The following CPLANE1 variants were observed in gnomAD, a reference collection of about 807,000 sequenced individuals.
The protein encoded by CPLANE1 is ciliogenesis and planar polarity effector complex subunit 1, also known as ciliogenesis and planar polarity effector 1.
Under a neutral mutation model 362.5 loss-of-function variants are expected in CPLANE1, and 263 were observed. The ratio of observed to expected loss-of-function variants is 0.73; its 90% CI spans 0.66 to 0.80. The LOEUF (loss-of-function observed/expected upper bound fraction) is 0.80, where lower values mean the gene tolerates loss of function less well. Ranked by LOEUF, CPLANE1 falls within the 30% of genes least tolerant of loss-of-function variation. CPLANE1 has a pLI of 0.00. For missense variants in CPLANE1, 3,461 were observed against 3,793.4 expected, an observed-to-expected ratio of 0.91 and a Z score of 2.30; for synonymous variants, 1,212 against 1,302.6, an observed-to-expected ratio of 0.93 and a Z score of 1.50.
intron 30 of CPLANE1, 87 bp from the exon 31 acceptor site, chr5:37,176,073 G>C (rs1410600882): frequency 1.2e-6 from 1 of 833,034 alleles, no homozygotes; most frequent in East Asian, 2.5e-5. Context: ...AGCCATCTAA[G>C]AGTCTAAACA....
rs534640314 is a variant in CPLANE1 at position 37,113,971 on chromosome 5, C to T, written c.9400+989G>A. On this transcript the variant is annotated intron_variant, in intron 51 of 52. Transcript: ENST00000651892. ...GGGACTACAGGCACATGCCACCACG[C>T]CCAGCTAATTTTTGTATTTTTAGTA... 2.3e-3 allele frequency among the ~76,000 whole-genome samples: 352 copies of T among 152,282 alleles called. 1 individual carries two copies. The highest frequency in any genetic ancestry group is 4.2e-3 in the Non-Finnish European group (286 of 68,016).
chr5:37,176,622 C>T (rs528182648), intron 30 of CPLANE1, among the ~76,000 whole-genome samples: 20 of 152,096 alleles, frequency 1.3e-4, no homozygotes, highest in African/African-American at 3.6e-4. Flanking sequence ...GGTAATTTTC[C>T]GAAGGAATCA....
chr5:37,226,166 C>A, intron 12 of CPLANE1, 138 bp downstream of exon 12: 1 of 584,126 alleles, frequency 1.7e-6, no homozygotes, highest in Non-Finnish European at 2.7e-6. Flanking sequence ...GTTTCACAAC[C>A]TTATAAATAT....
rs543333325 is a variant in CPLANE1 at position 37,227,101 on chromosome 5, C to T, written c.1522-28G>A. On this transcript the variant is annotated intron_variant, in intron 11 of 52. Transcript: ENST00000651892. ...AAAACATGAGGGGAAAAAAATGATA[C>T]TTAATACCATTTAATACCTTATCAA... The T allele has an allele frequency of 9.8e-6, 15 of 1,523,296 alleles. No homozygotes were observed. The East Asian group carries it at 2.9e-4, about 30-fold the overall frequency. The allele number at this position is 1,523,296 out of a possible 1,614,324, so 94.4% of individuals were successfully genotyped here. A position where few individuals can be genotyped will look rare whatever the true frequency, so the allele number is the denominator to read the frequency against.
At chr5:37,178,513 T>TG (rs1781820112) in intron 29 of CPLANE1, among the ~76,000 whole-genome samples, 1 of 150,188 alleles carries the variant, frequency 6.7e-6, no homozygotes, top group Non-Finnish European at 1.5e-5. Flanking sequence ...CTTGGGAGGC[T>TG]GAGGCAAGAG....
chr5:37,142,104 T>C, intron 44 of CPLANE1: 2 of 1,051,744 alleles, frequency 1.9e-6, no homozygotes, highest in Non-Finnish European at 2.4e-6. Context: ...CAAGATATGA[T>C]ACATAATTGC....
chr5:37,187,989 T>C (rs1784504599), intron 21 of CPLANE1, 147 bp from the exon 22 acceptor site: 4 of 472,920 alleles, frequency 8.5e-6, no homozygotes, highest in East Asian at 3.3e-5. Flanking sequence ...TGTAAATTTA[T>C]ATAAAAGTCC....
intron 20 of CPLANE1, 59 bp from the exon 21 acceptor site, chr5:37,196,055 G>A: frequency 1.4e-6 from 2 of 1,397,474 alleles, no homozygotes; most frequent in Non-Finnish European, 1.9e-6. Context: ...ACTTTTAAAA[G>A]AAACTATAAA....
chr5:37,244,394 G>A lies in CPLANE1; in HGVS notation c.551C>T (p.Ala184Val). The A allele has an allele frequency of 6.5e-7, 1 of 1,547,624 alleles. No individual in the cohort carries two copies. The highest frequency in any genetic ancestry group is 1.2e-5 in the South Asian group (1 of 83,180). Reference sequence around the variant, plus strand: ...TTTTACCTCATTTTTTATAAAAACAGCATTCACTACAGCTTCTTTATCTTC... The same window carrying A: ...TTTTACCTCATTTTTTATAAAAACAACATTCACTACAGCTTCTTTATCTTC... ...STEDKEAVVN[A>V]VFIKNELFGD... The change falls in exon 5 of 53, where the codon GCT becomes GTT. Residue 184 changes from alanine to valine, a missense_variant. Coordinates refer to ENST00000651892, the MANE Select transcript of CPLANE1 (RefSeq NM_001384732.1).
At chr5:37,119,444 G>A (rs987843439) in intron 50 of CPLANE1, among the ~76,000 whole-genome samples, 2 of 152,188 alleles carry the variant, frequency 1.3e-5, no homozygotes, top group East Asian at 3.9e-4. Flanking sequence ...GCCAAGGTGG[G>A]CAGATCACCT....
chr5:37,115,719 C>T (rs1342824547), intron 50 of CPLANE1, among the ~76,000 whole-genome samples: 1 of 150,698 alleles, frequency 6.6e-6, no homozygotes, highest in Non-Finnish European at 1.5e-5. Context: ...GCCTCAGCTT[C>T]CCGAGCAGCT....
At chr5:37,174,012 A>G (rs1267692356) in intron 31 of CPLANE1, 65 bp from the exon 32 acceptor site, 37 of 1,315,478 alleles carry the variant, frequency 2.8e-5, no homozygotes, top group Non-Finnish European at 2.1e-6. Context: ...TTGAATGTCT[A>G]TGATCAGAAT....
rs111508546 is a variant in CPLANE1, at chr5:37,185,087, GA to G, written c.4190-9del. On this transcript the variant is annotated splice_polypyrimidine_tract_variant and intron_variant, in intron 24 of 52. Coordinates refer to ENST00000651892, the MANE Select transcript of CPLANE1 (RefSeq NM_001384732.1). Reference sequence around the variant, plus strand: ...TTTCCTCAGTCTGGGGTCCTGGAAAGAAAAGAATAAAAAGTCTTAGTGTTCA... The same window carrying G: ...TTTCCTCAGTCTGGGGTCCTGGAAAGAAAGAATAAAAAGTCTTAGTGTTCA... 3 of 1,588,064 alleles carry G rather than the reference GA, an allele frequency of 1.9e-6. No homozygotes were observed. In the Admixed American group the frequency reaches 5.6e-5, roughly 30 times the overall value.
At chr5:37,081,447 G>C in the CPLANE1 span, among the ~76,000 whole-genome samples, 1 of 151,760 alleles carries the variant, frequency 6.6e-6, no homozygotes, top group African/African-American at 2.4e-5. Context: ...TTCAGCCTCC[G>C]GAGTAGCTGG....
intron 6 of CPLANE1, among the ~76,000 whole-genome samples, chr5:37,241,644 C>G (rs1221027656): frequency 6.6e-6 from 1 of 151,992 alleles, no homozygotes; most frequent in Non-Finnish European, 1.5e-5. Context: ...TATTTATTTT[C>G]CAGACAGGGT....
At position 37,153,917 on chromosome 5, in the gene CPLANE1, T is replaced by C; in HGVS notation, c.8196A>G (p.Lys2732=). 1 of 1,614,126 alleles carries C rather than the reference T, an allele frequency of 6.2e-7. No homozygotes were observed. The highest frequency in any genetic ancestry group is 1.1e-5 in the South Asian group (1 of 91,078). ...AAGCTGCAGAGACACCTTGCAGCCG[T>C]TTCCACAATAGATAATCTTCTGCAG... ...SDSAEDYLLW[K]RLQGVSAACP... is the part of the protein sequence containing the mutation. Residue 2732 remains lysine, a synonymous_variant, in exon 42 of 53, where the codon AAA becomes AAG. Coordinates refer to ENST00000651892, the MANE Select transcript of CPLANE1 (RefSeq NM_001384732.1).
intron 35 of CPLANE1, 65 bp from the exon 36 acceptor site, chr5:37,165,736 A>G (rs2150871448): frequency 3.4e-6 from 5 of 1,461,918 alleles, no homozygotes; most frequent in Non-Finnish European, 4.6e-6. Flanking sequence ...TTCATTTATC[A>G]TGCTATATAG....
intron 31 of CPLANE1, among the ~76,000 whole-genome samples, chr5:37,174,159 T>G (rs1265638897): frequency 6.6e-6 from 1 of 152,108 alleles, no homozygotes. Context: ...TCATCTTTAT[T>G]AAGGGATTGT....
At chr5:37,150,181 T>C (rs1191990285) in intron 42 of CPLANE1, among the ~76,000 whole-genome samples, 1 of 152,190 alleles carries the variant, frequency 6.6e-6, no homozygotes, top group African/African-American at 2.4e-5. Context: ...GACTCAGACA[T>C]GTGGAAACTC....
Sources: allele counts gnomAD v4.1 joint callset (sites outside exome capture counted in the v4.1 genomes callset), GRCh38; gene constraint gnomAD v4.1.1; transcripts MANE v1.5; gene names NCBI Gene and HGNC (gene_info 2026-07-23, HGNC 2026-07-21).